MED15: variants seen among roughly 807,000 people sequenced by gnomAD.
The protein encoded by MED15 is mediator of RNA polymerase II transcription subunit 15.
Under a neutral mutation model 118.7 loss-of-function variants are expected in MED15, and 41 were observed. The ratio of observed to expected loss-of-function variants is 0.35; its 90% confidence interval spans 0.27 to 0.45. The LOEUF (loss-of-function observed/expected upper bound fraction) is 0.45, where lower values mean the gene tolerates loss of function less well. Ranked by LOEUF, MED15 falls within the 20% of genes least tolerant of loss-of-function variation. The pLI is 1.00. For synonymous variants in MED15, 436 were observed against 413.9 expected, an observed-to-expected ratio of 1.05 and a Z score of -0.65; for missense variants, 740 against 1,025.5, an observed-to-expected ratio of 0.72 and a Z score of 3.80.
chr22:20,508,523 G>A (rs2053953906), intron 1 of MED15: 1 of 752,692 alleles, frequency 1.3e-6, no homozygotes, highest in African/African-American at 1.8e-5. Context: ...GGAGATAGGG[G>A]TGGGGTCGTT....
rs371867732 is a variant in MED15 at position 20,582,402 on chromosome 22, GC to G, written c.1273-201del. 2.6e-4 allele frequency: 184 copies of G among 717,116 alleles called. 1 individual carries two copies. Among genetic ancestry groups the G allele is most frequent in the South Asian group, 8.1e-4 (41 of 50,808 alleles). 44.4% of individuals were successfully genotyped at this position (717,116 alleles called of 1,614,324 possible). A position where few individuals can be genotyped will look rare whatever the true frequency, so the allele number is the denominator to read the frequency against. ...AAGGAGCAAGGGCTGCCCTGCCTGG[GC>G]CCCCCCCGCCAGCCCCTTGGTCACC... On this transcript the variant is annotated intron_variant, in intron 9 of 17. Transcript: ENST00000263205.
chr22:20,557,643 T>G (rs1357163103), intron 5 of MED15, among the ~76,000 whole-genome samples: 1 of 152,224 alleles, frequency 6.6e-6, no homozygotes, highest in African/African-American at 2.4e-5. Flanking sequence ...AATGCTCACA[T>G]GAGTTGCCTT....
intron 5 of MED15, among the ~76,000 whole-genome samples, chr22:20,564,127 G>A (rs2056344414): frequency 6.6e-6 from 1 of 152,194 alleles, no homozygotes; most frequent in Non-Finnish European, 1.5e-5. Flanking sequence ...CGTACAAAGA[G>A]TCCGGAAGTG....
chr22:20,553,074 C>G (rs2055847368), intron 3 of MED15, 71 bp from the exon 4 acceptor site: 13 of 1,447,312 alleles, frequency 9.0e-6, no homozygotes, highest in Non-Finnish European at 1.3e-5. Flanking sequence ...ACAGAACTGA[C>G]CTACCCATGG....
At chr22:20,510,069 TACC>T (rs2054009921) in intron 1 of MED15, among the ~76,000 whole-genome samples, 1 of 152,192 alleles carries the variant, frequency 6.6e-6, no homozygotes, top group African/African-American at 2.4e-5. Flanking sequence ...TCTAACAAAT[TACC>T]ACAAGTTTAG....
chr22:20,564,791 G>T, intron 6 of MED15, 103 bp downstream of exon 6: 13 of 1,558,470 alleles, frequency 8.3e-6, no homozygotes, highest in Non-Finnish European at 1.1e-5. Flanking sequence ...CCAGCCGAGG[G>T]TTCTCTTGAC....
intron 9 of MED15, among the ~76,000 whole-genome samples, chr22:20,579,601 T>C (rs1463308674): frequency 6.6e-6 from 1 of 152,116 alleles, no homozygotes; most frequent in Non-Finnish European, 1.5e-5. Flanking sequence ...TGGAGCTCCC[T>C]GGACCAGCCT....
At chr22:20,518,204 G>A (rs1034207797) in intron 1 of MED15, among the ~76,000 whole-genome samples, 1 of 141,112 alleles carries the variant, frequency 7.1e-6, no homozygotes, top group Non-Finnish European at 1.5e-5. Context: ...TTTTTTCTTT[G>A]TTTGAGATGG....
Position 20,568,501 on chromosome 22 carries a change from TTCTC to T in MED15, c.1042-16_1042-13del. The T allele has an allele frequency of 6.2e-7, 1 of 1,612,084 alleles. No individual in the cohort carries two copies. On this transcript the variant is annotated splice_polypyrimidine_tract_variant and intron_variant, in intron 7 of 17. Coordinates refer to ENST00000263205, the MANE Select transcript of MED15 (RefSeq NM_001003891.3). ...CTGACCCAGGTGGTTCCAAATCACA[TTCTC>T]TCTTTCTCCCTCAAGGTCCGAGCTC...
At chr22:20,510,605 G>T (rs1418738191) in intron 1 of MED15, among the ~76,000 whole-genome samples, 1 of 152,120 alleles carries the variant, frequency 6.6e-6, no homozygotes, top group African/African-American at 2.4e-5. Context: ...TAGGACTGAG[G>T]TGCCCTCTTT....
Position 20,582,584 on chromosome 22 carries a change from G to A in MED15, c.1273-27G>A, listed in dbSNP as rs992727919. 74 of 1,537,078 alleles carry A rather than the reference G, an allele frequency of 4.8e-5. 1 individual carries two copies. Among genetic ancestry groups the A allele is most frequent in the African/African-American group, 8.2e-5 (6 of 73,000 alleles). On this transcript the variant is annotated intron_variant, in intron 9 of 17. Transcript: ENST00000263205. ...GGCAGGCGGGCGGGCGTGTGGCAGC[G>A]CGCCGGCTGAGCCCCTCCACTTCCA...
chr22:20,572,963 TTTC>T (rs2056712852), intron 8 of MED15, among the ~76,000 whole-genome samples: 1 of 140,470 alleles, frequency 7.1e-6, no homozygotes. Flanking sequence ...TGCATCTCAT[TTTC>T]TTTTTTTTTT....
At chr22:20,558,995 GAAAT>G (rs752411994) in intron 5 of MED15, among the ~76,000 whole-genome samples, 4 of 152,054 alleles carry the variant, frequency 2.6e-5, no homozygotes, top group Non-Finnish European at 5.9e-5. Context: ...GGTATATAAA[GAAAT>G]AAAGTGGAGA....
Position 20,568,600 on chromosome 22 carries a change from A to G in MED15, c.1121A>G (p.Gln374Arg). ...QQQQTAVQTA[Q>R]AAQMVAPGVQ... Reference sequence around the variant, plus strand: ...CAGCAGACAGCAGTACAGACAGCTCAGGCTGCCCAGATGGTGGCTCCCGGA... The same window carrying G: ...CAGCAGACAGCAGTACAGACAGCTCGGGCTGCCCAGATGGTGGCTCCCGGA... The change falls in exon 8 of 18, where the codon CAG becomes CGG. Residue 374 changes from glutamine (Q) to arginine (R), a missense_variant. This residue lies in a region of MED15 where 384 missense variants were observed against 506.3 expected (regional missense o/e 0.76). Coordinates refer to ENST00000263205, the MANE Select transcript of MED15 (RefSeq NM_001003891.3). 1 of 1,613,742 alleles carries G rather than the reference A, an allele frequency of 6.2e-7. No homozygotes were observed. The highest frequency in any genetic ancestry group is 1.3e-5 in the African/African-American group (1 of 75,038).
At chr22:20,573,140 G>T (rs541464683) in intron 8 of MED15, among the ~76,000 whole-genome samples, 10 of 152,034 alleles carry the variant, frequency 6.6e-5, no homozygotes, top group African/African-American at 2.2e-4. Flanking sequence ...GGCTAATTTT[G>T]TATTTTTAGT....
At chr22:20,569,872 G>A (rs370071750) in intron 8 of MED15, among the ~76,000 whole-genome samples, 2 of 152,034 alleles carry the variant, frequency 1.3e-5, no homozygotes, top group Non-Finnish European at 2.9e-5. Flanking sequence ...CAGGCCTCGT[G>A]GGGGGGCTCC....
At chr22:20,509,228 G>A (rs563056143) in intron 1 of MED15, among the ~76,000 whole-genome samples, 61 of 152,214 alleles carry the variant, frequency 4.0e-4, no homozygotes, top group Admixed American at 1.8e-3. Context: ...TTGTGCCAAG[G>A]AATTGAGCCT....
chr22:20,508,883 G>A (rs2053966966), intron 1 of MED15, among the ~76,000 whole-genome samples: 1 of 152,196 alleles, frequency 6.6e-6, no homozygotes, highest in African/African-American at 2.4e-5. Flanking sequence ...AGATTTGCCT[G>A]AGACACAGCC....
At chr22:20,533,809 T>A (rs1300618337) in intron 1 of MED15, among the ~76,000 whole-genome samples, 1 of 152,122 alleles carries the variant, frequency 6.6e-6, no homozygotes, top group Admixed American at 6.5e-5. Context: ...TGCCAGTACA[T>A]CCCCTGGTGT....
Sources: gnomAD v4.1 joint callset for allele counts (sites outside exome capture counted in the v4.1 genomes callset) on GRCh38, gnomAD v4.1.1 for gene constraint, gnomAD v4.1.1 regional missense constraint, MANE v1.5 for transcripts, NCBI Gene and HGNC (gene_info 2026-07-23, HGNC 2026-07-21) for gene names.